BCL11B: variants seen among roughly 807,000 people sequenced by gnomAD.
BCL11B encodes BCL11 transcription factor B, also known as B-cell lymphoma/leukemia 11B.
A neutral mutation model predicts 49.9 loss-of-function variants in BCL11B; 8 were observed. The ratio of observed to expected loss-of-function variants is 0.16; its 90% CI spans 0.09 to 0.29. BCL11B has a LOEUF of 0.29. Among genes scored for constraint, BCL11B ranks in the 10% least tolerant of loss-of-function variants. The probability of loss-of-function intolerance (pLI) is 1.00; values close to 1 mark genes in which losing one functional copy is unlikely to be tolerated. For synonymous variants in BCL11B, 739 were observed against 637.4 expected (o/e 1.16, Z -2.40); for missense variants, 1,006 against 1,351.0 (o/e 0.74, Z 4.00).
chr14:99,175,236 C>T lies in BCL11B; in HGVS notation c.1600G>A (p.Asp534Asn), dbSNP rs1886460047. ...PSLGHEPEEEDEEEEEEEEEL... is the reference protein window; with the variant it reads ...PSLGHEPEEENEEEEEEEEEL... ...TCCTCCTCCTCCTCCTCCTCCTCGT[C>T]CTCCTCCTCCGGCTCGTGGCCCAGC... Residue 534 changes from aspartate (D) to asparagine (N), a missense_variant, in exon 4 of 4, where the codon GAC becomes AAC. Physicochemically the swap from Asp to Asn is conservative, Grantham distance 23. Around this residue, in one of 6 missense-constraint regions of BCL11B, gnomAD observed 443 missense variants for 499.7 expected, o/e 0.89. Transcript: ENST00000357195. 2 of 1,548,180 alleles carry T rather than the reference C, an allele frequency of 1.3e-6. No individual in the cohort carries two copies. The highest frequency in any genetic ancestry group is 1.7e-6 in the Non-Finnish European group (2 of 1,150,028).
rs935824375 is a variant in BCL11B, at chr14:99,172,022, A to T, written c.*2129T>A. The T allele has an allele frequency of 1.5e-4, 32 of 211,616 alleles. No individual in the cohort carries two copies. The highest frequency in any genetic ancestry group is 7.3e-4 in the African/African-American group (32 of 44,004). 13.1% of individuals were successfully genotyped at this position (211,616 alleles called of 1,614,324 possible). On this transcript the variant is annotated 3_prime_UTR_variant, in exon 4 of 4. Coordinates refer to ENST00000357195, the MANE Select transcript of BCL11B (RefSeq NM_138576.4). ...CGCGGCCACTGTGGCATTTTTGTAT[A>T]ACCTATTAAGCAAACTTTGAAAAAA...
intron 2 of BCL11B, among the ~76,000 whole-genome samples, chr14:99,244,032 A>G (rs1373487885): frequency 6.6e-6 from 1 of 151,010 alleles, no homozygotes; most frequent in Admixed American, 6.6e-5. Context: ...ACTCAGGCGC[A>G]GAAAGTGTGC....
At chr14:99,197,281 A>T (rs992995041) in intron 3 of BCL11B, among the ~76,000 whole-genome samples, 1 of 152,138 alleles carries the variant, frequency 6.6e-6, no homozygotes, top group African/African-American at 2.4e-5. Flanking sequence ...ACAGAAGGGG[A>T]CACCTACAGG....
intron 2 of BCL11B, among the ~76,000 whole-genome samples, chr14:99,250,895 A>T (rs1595074817): frequency 1.3e-5 from 2 of 151,492 alleles, no homozygotes; most frequent in Admixed American, 6.6e-5. Context: ...TTATGTGACC[A>T]GTATTGTCTG....
intron 1 of BCL11B, among the ~76,000 whole-genome samples, chr14:99,268,046 C>T (rs1889537418): frequency 6.6e-6 from 1 of 152,216 alleles, no homozygotes; most frequent in South Asian, 2.1e-4. Flanking sequence ...CCCCTCGGCA[C>T]GATTGCCACT....
intron 3 of BCL11B, among the ~76,000 whole-genome samples, chr14:99,199,691 CGCGCGCACGTGCACGTGTGTGCGT>C: frequency 1.6e-5 from 1 of 61,862 alleles, no homozygotes; most frequent in African/African-American, 4.2e-5. Flanking sequence ...TGTGCGCGCG[CGCGCGCACGTGCACGTGTGTGCGT>C]GTGTGCATGC....
chr14:99,176,738 A>G (rs1288428781), intron 3 of BCL11B, among the ~76,000 whole-genome samples: 1 of 152,122 alleles, frequency 6.6e-6, no homozygotes, highest in Non-Finnish European at 1.5e-5. Context: ...TGCACCCACT[A>G]GATAGATGCC....
intron 1 of BCL11B, among the ~76,000 whole-genome samples, chr14:99,258,776 A>C (rs1034184712): frequency 1.2e-4 from 19 of 152,236 alleles, no homozygotes; most frequent in Non-Finnish European, 2.5e-4. Context: ...CACTCCCAGA[A>C]AAATGAAAGA....
In BCL11B at chr14:99,247,860, G is replaced by A. The variant is rs962912973; in HGVS notation, c.427+9611C>T. On this transcript the variant is annotated intron_variant, in intron 2 of 3. Coordinates refer to ENST00000357195, the MANE Select transcript of BCL11B (RefSeq NM_138576.4). The surrounding 1 kb of genome is among the most constrained non-coding windows in gnomAD (Gnocchi z 4.5). ...CCACACCCGCAACCTGAAGGCCATG[G>A]AAGCTGCCCAGGCACTCAGCCCCCA... Among the ~76,000 whole-genome samples, 1 of 152,198 alleles carries A rather than the reference G, an allele frequency of 6.6e-6. No individual in the cohort carries two copies. Among genetic ancestry groups the A allele is most frequent in the African/African-American group, 2.4e-5 (1 of 41,452 alleles).
At chr14:99,190,516 T>G (rs1204041182) in intron 3 of BCL11B, among the ~76,000 whole-genome samples, 1 of 152,200 alleles carries the variant, frequency 6.6e-6, no homozygotes, top group Non-Finnish European at 1.5e-5. Context: ...ACTAATTTTT[T>G]TAAAAAGGCA....
intron 3 of BCL11B, among the ~76,000 whole-genome samples, chr14:99,196,255 C>T (rs1002820970): frequency 6.6e-6 from 1 of 152,170 alleles, no homozygotes; most frequent in Non-Finnish European, 1.5e-5. Flanking sequence ...GATCTTGTAA[C>T]CAGGCAACCA....
intron 1 of BCL11B, among the ~76,000 whole-genome samples, chr14:99,265,113 G>T (rs567169562): frequency 1.4e-4 from 21 of 152,230 alleles, no homozygotes; most frequent in African/African-American, 4.8e-4. Flanking sequence ...AAAGAGTGCC[G>T]CAAAGTGACA....
At chr14:99,176,312 C>T (rs904561573) in intron 3 of BCL11B, 117 bp from the exon 4 acceptor site, 1 of 927,476 alleles carries the variant, frequency 1.1e-6, no homozygotes. Flanking sequence ...GATCCCAGTG[C>T]CCTGCCTGAC....
chr14:99,185,308 G>A (rs372121878), intron 3 of BCL11B, among the ~76,000 whole-genome samples: 4 of 152,002 alleles, frequency 2.6e-5, no homozygotes, highest in Non-Finnish European at 4.4e-5. Context: ...ATGGTGGCAC[G>A]CACCTATAAT....
chr14:99,262,219 C>T lies in BCL11B; in HGVS notation c.59-4380G>A, dbSNP rs55968539. On this transcript the variant is annotated intron_variant, in intron 1 of 3. Transcript: ENST00000357195. The surrounding 1 kb of genome is among the most constrained non-coding windows in gnomAD (Gnocchi z 4.2). ...CCCACACACAGGGTGCCAAGGACCC[C>T]GCCCTCCCTGGCCCATCTCTAACAA... is the stretch of plus-strand genomic sequence containing the variant. Among the ~76,000 whole-genome samples, 1,184 of 152,332 alleles carry T rather than the reference C, an allele frequency of 7.8e-3. 13 individuals carry two copies. Among genetic ancestry groups the T allele is most frequent in the African/African-American group, 0.027 (1,107 of 41,564 alleles).
At chr14:99,261,008 C>T (rs1438592027) in intron 1 of BCL11B, among the ~76,000 whole-genome samples, 1 of 152,206 alleles carries the variant, frequency 6.6e-6, no homozygotes, top group Non-Finnish European at 1.5e-5. Flanking sequence ...CCACTTTCAG[C>T]GTTGAAAGTT....
At chr14:99,266,891 G>A (rs1889499571) in intron 1 of BCL11B, among the ~76,000 whole-genome samples, 1 of 152,250 alleles carries the variant, frequency 6.6e-6, no homozygotes, top group Non-Finnish European at 1.5e-5. Context: ...GGGGATAAGT[G>A]AAGGCTGGTG....
intron 2 of BCL11B, among the ~76,000 whole-genome samples, chr14:99,236,824 C>A (rs545136444): frequency 6.6e-6 from 1 of 152,194 alleles, no homozygotes; most frequent in African/African-American, 2.4e-5. Flanking sequence ...TAAGACTGCA[C>A]GCTCATATTT....
chr14:99,246,038 C>T (rs1888824028), intron 2 of BCL11B, among the ~76,000 whole-genome samples: 1 of 152,152 alleles, frequency 6.6e-6, no homozygotes, highest in Non-Finnish European at 1.5e-5. Flanking sequence ...GAGCCGGTCC[C>T]GAGGCGGCTC....
Sources: gnomAD v4.1 joint callset for allele counts (sites outside exome capture counted in the v4.1 genomes callset) on GRCh38, gnomAD v4.1.1 for gene constraint, gnomAD v4.1.1 regional missense constraint, Gnocchi (gnomAD v3.1) non-coding constraint, MANE v1.5 for transcripts, NCBI Gene and HGNC (gene_info 2026-07-23, HGNC 2026-07-21) for gene names.